Variants in CALD1 observed in about 807,000 individuals in gnomAD.
CALD1 encodes caldesmon.
In CALD1, 33 loss-of-function variants were observed where a neutral mutation model predicts 99.9. That is an observed-to-expected ratio of 0.33 (90% CI 0.25 to 0.44). CALD1 has a LOEUF of 0.44. Among genes scored for constraint, CALD1 ranks in the 20% least tolerant of loss-of-function variants. CALD1 has a pLI of 1.00. For missense variants in CALD1, 861 were observed against 962.1 expected, an observed-to-expected ratio of 0.89 and a Z score of 1.39; for synonymous variants, 310 against 325.0, an observed-to-expected ratio of 0.95 and a Z score of 0.50.
chr7:134,876,626 C>CA (rs1801367072), intron 3 of CALD1, among the ~76,000 whole-genome samples: 1 of 152,108 alleles, frequency 6.6e-6, no homozygotes, highest in South Asian at 2.1e-4. Flanking sequence ...TCAACAAGGA[C>CA]AAAAAAACTT....
At chr7:134,911,620 G>C in intron 3 of CALD1, among the ~76,000 whole-genome samples, 1 of 152,120 alleles carries the variant, frequency 6.6e-6, no homozygotes, top group East Asian at 1.9e-4. Context: ...TTTAAGTCTT[G>C]GAGTATTTGG....
intron 4 of CALD1, among the ~76,000 whole-genome samples, 176 bp from the exon 5 acceptor site, chr7:134,932,811 GC>G (rs1319665054): frequency 6.6e-6 from 1 of 152,196 alleles, no homozygotes; most frequent in Admixed American, 6.5e-5. Context: ...AGAAAGGCTT[GC>G]AAATGCTGTC....
At chr7:134,736,418 G>T in the CALD1 span, among the ~76,000 whole-genome samples, 3 of 152,248 alleles carry the variant, frequency 2.0e-5, no homozygotes, top group Admixed American at 6.5e-5. Flanking sequence ...CATTCATGCA[G>T]CTCCACACTC....
At chr7:134,725,674 T>G in the CALD1 span, among the ~76,000 whole-genome samples, 1 of 152,250 alleles carries the variant, frequency 6.6e-6, no homozygotes, top group African/African-American at 2.4e-5. Context: ...TTTTAATCCC[T>G]GGAACCTATA....
the CALD1 span, among the ~76,000 whole-genome samples, chr7:134,722,283 T>C: frequency 2.6e-5 from 4 of 152,192 alleles, no homozygotes; most frequent in African/African-American, 9.6e-5. Flanking sequence ...TTTTTTCCTC[T>C]CTTACCCTTT....
chr7:134,863,192 G>A (rs1800637044), intron 2 of CALD1, among the ~76,000 whole-genome samples: 1 of 152,098 alleles, frequency 6.6e-6, no homozygotes, highest in Admixed American at 6.5e-5. Context: ...GTTGGGGAGG[G>A]GGGAATATAT....
chr7:134,802,670 G>A lies in CALD1; in HGVS notation c.-130+22921G>A, dbSNP rs549343323. Among the ~76,000 whole-genome samples, 23 of 152,334 alleles carry A rather than the reference G, an allele frequency of 1.5e-4. No individual in the cohort carries two copies. In the South Asian group the frequency reaches 4.8e-3, roughly 32 times the overall value. On this transcript the variant is annotated intron_variant, in intron 1 of 14. Transcript: ENST00000361675. ...TTACCTTAAATGTGCTCAGAGCACA[G>A]TTGGGCTAAATTATCTAACACAAAG...
rs1050454527 is a variant in CALD1 at position 134,927,383 on chromosome 7, TA to T, written c.72-1360del. Among the ~76,000 whole-genome samples, 116 of 144,376 alleles carry T rather than the reference TA, an allele frequency of 8.0e-4. No homozygotes were observed. The South Asian group carries it at 9.0e-3, about 11-fold the overall frequency. The allele number at this position is 144,376 out of a possible 152,430, so 94.7% of individuals were successfully genotyped here. A position where few individuals can be genotyped will look rare whatever the true frequency, so the allele number is the denominator to read the frequency against. On this transcript the variant is annotated intron_variant, in intron 3 of 14. Transcript: ENST00000361675. ...GGCAACATAATGAAACACCATCTCTTAAAAAAAAAAATACAAAAGTTAGCTG... is the reference window on the plus strand; with the variant it reads ...GGCAACATAATGAAACACCATCTCTTAAAAAAAAAATACAAAAGTTAGCTG...
upstream of CALD1, among the ~76,000 whole-genome samples, chr7:134,778,715 A>C (rs1412270394): frequency 6.6e-6 from 1 of 152,188 alleles, no homozygotes; most frequent in Non-Finnish European, 1.5e-5. Context: ...TCACCTGAAC[A>C]TTATGTCACC....
intron 13 of CALD1, chr7:134,961,914 T>C (rs554669809): frequency 1.3e-5 from 2 of 152,178 alleles, no homozygotes; most frequent in Admixed American, 6.5e-5. Context: ...AGACCAGTGA[T>C]TATTAACCCT....
intron 1 of CALD1, among the ~76,000 whole-genome samples, chr7:134,782,027 G>A (rs1375727194): frequency 6.6e-6 from 1 of 152,212 alleles, no homozygotes; most frequent in Non-Finnish European, 1.5e-5. Flanking sequence ...TAAAGGTCCA[G>A]AATCTAGCCC....
rs186563835 is a variant in CALD1, at chr7:134,794,579, C to T, written c.-130+14830C>T. On this transcript the variant is annotated intron_variant, in intron 1 of 14. Transcript: ENST00000361675. ...TCAGCTCACTACAACCTCCACTTCT[C>T]GGGTTCAAGTGATTCTCCTGCCTCA... 2.6e-3 allele frequency among the ~76,000 whole-genome samples: 399 copies of T among 152,268 alleles called. 1 individual carries two copies. The highest frequency in any genetic ancestry group is 9.5e-3 in the Admixed American group (145 of 15,294).
At chr7:134,868,047 G>T in intron 3 of CALD1, 1 of 289,292 alleles carries the variant, frequency 3.5e-6, no homozygotes, top group Non-Finnish European at 6.5e-6. Context: ...ATTGATAATT[G>T]CATTTAATCA....
intron 2 of CALD1, among the ~76,000 whole-genome samples, chr7:134,862,219 A>G (rs2132286217): frequency 6.6e-6 from 1 of 152,134 alleles, no homozygotes; most frequent in African/African-American, 2.4e-5. Context: ...TCTTTGGGGC[A>G]CTCTTGTTTG....
At chr7:134,877,993 G>A (rs10488466) in intron 3 of CALD1, among the ~76,000 whole-genome samples, 50,276 of 151,954 alleles carry the variant, frequency 0.33, 10,487 homozygotes, top group East Asian at 0.85. Flanking sequence ...ATCCTAATGC[G>A]TATCCTATAA....
At chr7:134,957,515 G>C (rs1025359205) in intron 9 of CALD1, among the ~76,000 whole-genome samples, 71 of 152,102 alleles carry the variant, frequency 4.7e-4, no homozygotes, top group African/African-American at 1.7e-3. Flanking sequence ...TCCCTCCCAG[G>C]TTCAAGCAAT....
At chr7:134,822,986 A>T (rs548848064) in intron 1 of CALD1, among the ~76,000 whole-genome samples, 2 of 152,290 alleles carry the variant, frequency 1.3e-5, no homozygotes, top group East Asian at 3.9e-4. Flanking sequence ...GAATTGCCTT[A>T]AGATGAAATT....
chr7:134,791,182 A>G (rs1305604697), intron 1 of CALD1, among the ~76,000 whole-genome samples: 1 of 152,170 alleles, frequency 6.6e-6, no homozygotes, highest in African/African-American at 2.4e-5. Flanking sequence ...AGACTCAGAC[A>G]CAATGGGCAC....
At chr7:134,808,918 T>C (rs1277898296) in intron 1 of CALD1, among the ~76,000 whole-genome samples, 1 of 152,210 alleles carries the variant, frequency 6.6e-6, no homozygotes, top group Non-Finnish European at 1.5e-5. Flanking sequence ...TTGGTGACAA[T>C]GCTGAGCCAA....
Sources: gnomAD v4.1 joint callset for allele counts (sites outside exome capture counted in the v4.1 genomes callset) on GRCh38, gnomAD v4.1.1 for gene constraint, MANE v1.5 for transcripts, NCBI Gene and HGNC (gene_info 2026-07-23, HGNC 2026-07-21) for gene names.